CLYBL: variants seen among roughly 807,000 people sequenced by gnomAD.
The protein encoded by CLYBL is citramalyl-CoA lyase, mitochondrial.
A neutral mutation model predicts 38.9 loss-of-function variants in CLYBL; 31 were observed. The observed-to-expected ratio is 0.80, with a 90% CI of 0.60 to 1.08. The LOEUF (loss-of-function observed/expected upper bound fraction) is 1.08. Among genes scored for constraint, CLYBL ranks in the 50% least tolerant of loss-of-function variants. The pLI, the probability that CLYBL is intolerant of heterozygous loss-of-function variation, is 0.00. For missense variants in CLYBL, 434 were observed against 411.6 expected (o/e 1.05, Z -0.47); for synonymous variants, 171 against 158.6 (o/e 1.08, Z -0.59).
At position 99,776,445 on chromosome 13, in the gene CLYBL, G is replaced by A. The variant is rs139240699; in HGVS notation, c.249+3435G>A. ...TGGGAGGCAGAGGTTGTAGTGAGCC[G>A]AGATTGCCCCACTGCACTTCAGCCT... On this transcript the variant is annotated intron_variant, in intron 2 of 8. Transcript: ENST00000339105. Among the ~76,000 whole-genome samples the A allele has an allele frequency of 9.3e-3, 1,401 of 150,754 alleles. 21 individuals are homozygous for A. The highest frequency in any genetic ancestry group is 0.032 in the African/African-American group (1,298 of 41,108).
intron 2 of CLYBL, among the ~76,000 whole-genome samples, chr13:99,836,902 A>AG (rs1316736956): frequency 6.9e-6 from 1 of 145,548 alleles, no homozygotes; most frequent in Non-Finnish European, 1.5e-5. Flanking sequence ...GGGTGGGGGA[A>AG]GGGGGAGGGA....
chr13:99,620,901 G>A (rs2139202225), intron 1 of CLYBL, among the ~76,000 whole-genome samples: 1 of 152,348 alleles, frequency 6.6e-6, no homozygotes, highest in Admixed American at 6.5e-5. Context: ...AAAGGAGTCA[G>A]CCAGTCAAGA....
rs187033584 is a variant in CLYBL, at chr13:99,874,903, G to A, written c.927+3841G>A. On this transcript the variant is annotated intron_variant, in intron 7 of 8. Coordinates refer to ENST00000339105, the MANE Select transcript of CLYBL (RefSeq NM_206808.5). ...TCTAACAGAAGAATGCGAAGGAATA[G>A]CACAATATATTACGTGTGTCAAAAT... 2.1e-3 allele frequency among the ~76,000 whole-genome samples: 316 copies of A among 152,306 alleles called. 1 individual carries two copies. The Middle Eastern group carries it at 0.024, about 11-fold the overall frequency.
At chr13:99,799,501 G>A (rs1360520386) in intron 2 of CLYBL, among the ~76,000 whole-genome samples, 4 of 152,130 alleles carry the variant, frequency 2.6e-5, no homozygotes, top group Admixed American at 2.6e-4. Flanking sequence ...AGAGCTTGCA[G>A]GACTTGCCAA....
intron 2 of CLYBL, among the ~76,000 whole-genome samples, chr13:99,832,343 T>C (rs1015452373): frequency 6.6e-6 from 1 of 152,232 alleles, no homozygotes; most frequent in Non-Finnish European, 1.5e-5. Context: ...AAATGATCTC[T>C]TAAAAGAACC....
rs1555350679 is a variant in CLYBL at position 99,671,793 on chromosome 13, A to AAAT, written c.62+65042_62+65044dup. Among the ~76,000 whole-genome samples, 637 of 129,142 alleles carry AAAT rather than the reference A, an allele frequency of 4.9e-3. 7 individuals are homozygous for AAAT. Among genetic ancestry groups the AAAT allele is most frequent in the African/African-American group, 0.016 (526 of 32,850 alleles). 84.7% of individuals were successfully genotyped at this position (129,142 alleles called of 152,430 possible). ...AGACTCTTTCTCAAAAAAAAAAAAA[A>AAAT]AATAATAAAAGCTACTGCAAAAGTC... On this transcript the variant is annotated intron_variant, in intron 1 of 8. Coordinates refer to ENST00000339105, the MANE Select transcript of CLYBL (RefSeq NM_206808.5).
chr13:99,748,718 C>T lies in CLYBL; in HGVS notation c.63-24106C>T, dbSNP rs145053127. Among the ~76,000 whole-genome samples the T allele has an allele frequency of 8.6e-5, 13 of 151,974 alleles. 1 individual carries two copies. The East Asian group carries it at 2.4e-3, about 28-fold the overall frequency. On this transcript the variant is annotated intron_variant, in intron 1 of 8. Coordinates refer to ENST00000339105, the MANE Select transcript of CLYBL (RefSeq NM_206808.5). ...CCTCTCAAAGTGCTGGAATTACAGG[C>T]ATGAGCCACCGCGCACGGCCTCTAG...
chr13:99,851,051 A>T (rs564004716), intron 2 of CLYBL, among the ~76,000 whole-genome samples: 5 of 152,292 alleles, frequency 3.3e-5, no homozygotes, highest in Admixed American at 6.5e-5. Context: ...CTTAATGGTT[A>T]TGGAGTTTCT....
At chr13:99,710,025 G>A (rs950294000) in intron 1 of CLYBL, among the ~76,000 whole-genome samples, 1 of 144,328 alleles carries the variant, frequency 6.9e-6, no homozygotes, top group Non-Finnish European at 1.5e-5. Context: ...CCAGGTTCAC[G>A]CCATTCTCCT....
intron 1 of CLYBL, among the ~76,000 whole-genome samples, chr13:99,757,557 G>A (rs1343480238): frequency 6.6e-6 from 1 of 152,170 alleles, no homozygotes; most frequent in Non-Finnish European, 1.5e-5. Flanking sequence ...TTGGGTTCAA[G>A]TGATTCTCCT....
chr13:99,792,916 CTT>C (rs987098312), intron 2 of CLYBL, among the ~76,000 whole-genome samples: 1 of 152,038 alleles, frequency 6.6e-6, no homozygotes, highest in African/African-American at 2.4e-5. Flanking sequence ...TATTAGTACT[CTT>C]TATTATTATT....
chr13:99,832,030 A>G (rs1594209553), intron 2 of CLYBL, among the ~76,000 whole-genome samples: 1 of 152,194 alleles, frequency 6.6e-6, no homozygotes, highest in Admixed American at 6.5e-5. Flanking sequence ...CTTCATTTCA[A>G]TGTTAGAATA....
rs778088994 is a variant in CLYBL, at chr13:99,863,054, C to T, written c.502C>T (p.Pro168Ser). Residue 168 changes from proline to serine, a missense_variant, in exon 4 of 9, where the codon CCT (proline) becomes TCT (serine). Coordinates refer to ENST00000339105, the MANE Select transcript of CLYBL (RefSeq NM_206808.5). ...ACTTGAACAACCAATGAATTTAATCCCTTTTGTGGAAACTGCAATGGGTTT... is the reference window on the plus strand; with the variant it reads ...ACTTGAACAACCAATGAATTTAATCTCTTTTGTGGAAACTGCAATGGGTTT... ...RKLEQPMNLI[P>S]FVETAMGLLN... The T allele has an allele frequency of 3.1e-6, 5 of 1,608,420 alleles. No homozygotes were observed. In the South Asian group the frequency reaches 3.3e-5, roughly 11 times the overall value.
chr13:99,773,199 C>T (rs1372651752), intron 2 of CLYBL, among the ~76,000 whole-genome samples, 189 bp downstream of exon 2: 1 of 152,144 alleles, frequency 6.6e-6, no homozygotes, highest in East Asian at 1.9e-4. Context: ...AAGGAAGAAT[C>T]CCACCAAAAT....
intron 1 of CLYBL, among the ~76,000 whole-genome samples, chr13:99,611,608 G>T (rs1450697545): frequency 6.6e-6 from 1 of 152,196 alleles, no homozygotes; most frequent in Non-Finnish European, 1.5e-5. Flanking sequence ...TATTGCCTTG[G>T]TCTGGGTTTG....
intron 1 of CLYBL, among the ~76,000 whole-genome samples, chr13:99,741,303 T>C (rs903906568): frequency 1.1e-4 from 17 of 152,046 alleles, no homozygotes; most frequent in African/African-American, 4.1e-4. Flanking sequence ...GGACTTAAGC[T>C]CAGATAAGCC....
chr13:99,653,780 TCTC>T (rs2047289239), intron 1 of CLYBL, among the ~76,000 whole-genome samples: 1 of 152,194 alleles, frequency 6.6e-6, no homozygotes, highest in Admixed American at 6.5e-5. Context: ...ACTTGTTCCT[TCTC>T]CTGCTCAAAT....
intron 1 of CLYBL, among the ~76,000 whole-genome samples, chr13:99,734,203 T>C (rs1328762381): frequency 6.6e-6 from 1 of 152,124 alleles, no homozygotes; most frequent in Admixed American, 6.5e-5. Context: ...CCTCACCTCA[T>C]TCCCCTCTCT....
At chr13:99,841,837 A>T (rs2051091223) in intron 2 of CLYBL, among the ~76,000 whole-genome samples, 1 of 114,864 alleles carries the variant, frequency 8.7e-6, no homozygotes. Context: ...TTTTTCTGAG[A>T]CAGGGTCTCA....
Sources: gnomAD v4.1 joint callset for allele counts (sites outside exome capture counted in the v4.1 genomes callset) on GRCh38, gnomAD v4.1.1 for gene constraint, MANE v1.5 for transcripts, NCBI Gene and HGNC (gene_info 2026-07-23, HGNC 2026-07-21) for gene names.